Variants in SERPINA6 observed in about 807,000 individuals in gnomAD.
The protein encoded by SERPINA6 is corticosteroid-binding globulin.
In SERPINA6, 19 loss-of-function variants were observed where a neutral mutation model predicts 26.4. The ratio of observed to expected loss-of-function variants is 0.72; its 90% CI spans 0.50 to 1.06. SERPINA6 has a LOEUF of 1.06. SERPINA6 is among the 50% of genes least tolerant of loss of function. The probability of loss-of-function intolerance (pLI) is 0.00; values close to 1 mark genes in which losing one functional copy is unlikely to be tolerated. For missense variants in SERPINA6, 473 were observed against 504.0 expected, an observed-to-expected ratio of 0.94 and a Z score of 0.59; for synonymous variants, 196 against 199.4, an observed-to-expected ratio of 0.98 and a Z score of 0.14.
rs1472278644 is a variant in SERPINA6, at chr14:94,306,162, T to A, written c.941A>T (p.Asp314Val). 6.2e-7 allele frequency: 1 copy of A among 1,614,074 alleles called. No individual in the cohort carries two copies. The highest frequency in any genetic ancestry group is 8.5e-7 in the Non-Finnish European group (1 of 1,180,034). Residue 314 changes from aspartate (D) to valine (V), a missense_variant, in exon 4 of 5, where the codon GAT becomes GTT. Physicochemically the swap from Asp to Val is radical, Grantham distance 152. Coordinates refer to ENST00000341584, the MANE Select transcript of SERPINA6 (RefSeq NM_001756.4). Reference sequence around the variant, plus strand: ...TGCAATGCCCATTTCCTCCAGCACATCTCCGAGGTCATAGACTCCAGAGAT... The same window carrying A: ...TGCAATGCCCATTTCCTCCAGCACAACTCCGAGGTCATAGACTCCAGAGAT... ...VTISGVYDLG[D>V]VLEEMGIADL...
intron 2 of SERPINA6, 110 bp downstream of exon 2, chr14:94,313,920 GATGTGT>G: frequency 9.3e-7 from 1 of 1,077,760 alleles, no homozygotes; most frequent in Non-Finnish European, 1.4e-6. Flanking sequence ...GAGATTCCCA[GATGTGT>G]ATGTGCTTTA....
In SERPINA6 at chr14:94,312,747, G is replaced by A. The variant is rs115270214; in HGVS notation, c.613+1289C>T. Among the ~76,000 whole-genome samples, 1,457 of 152,230 alleles carry A rather than the reference G, an allele frequency of 9.6e-3. 28 individuals are homozygous for A. Among genetic ancestry groups the A allele is most frequent in the African/African-American group, 0.033 (1,369 of 41,522 alleles). On this transcript the variant is annotated intron_variant, in intron 2 of 4. Coordinates refer to ENST00000341584, the MANE Select transcript of SERPINA6 (RefSeq NM_001756.4). ...AGAGGCAGGTAGAGAAGAAGGACTC[G>A]TAGAGATGCTAAGGCAGTCCAGGCA...
chr14:94,305,524 G>A (rs1208093492), intron 4 of SERPINA6, among the ~76,000 whole-genome samples: 6 of 152,102 alleles, frequency 3.9e-5, no homozygotes, highest in African/African-American at 1.4e-4. Flanking sequence ...CAGGTACCAC[G>A]GAGGCCACAA....
At chr14:94,319,948 TA>T (rs1895660970) in intron 1 of SERPINA6, among the ~76,000 whole-genome samples, 1 of 152,158 alleles carries the variant, frequency 6.6e-6, no homozygotes, top group Admixed American at 6.5e-5. Context: ...TTAGGTATTA[TA>T]TTTTCCCACA....
At chr14:94,310,997 T>C (rs920771018) in intron 2 of SERPINA6, among the ~76,000 whole-genome samples, 1 of 152,256 alleles carries the variant, frequency 6.6e-6, no homozygotes, top group Non-Finnish European at 1.5e-5. Flanking sequence ...TCCATCCTAC[T>C]GTCTGTGGGA....
At chr14:94,306,964 G>T (rs1895449934) in intron 3 of SERPINA6, among the ~76,000 whole-genome samples, 1 of 152,270 alleles carries the variant, frequency 6.6e-6, no homozygotes, top group South Asian at 2.1e-4. Context: ...AACTCGCACC[G>T]GCTCTCTTGG....
chr14:94,314,381 G>A lies in SERPINA6; in HGVS notation c.268C>T (p.Leu90Phe), dbSNP rs775123612. Residue 90 changes from leucine (L) to phenylalanine (F), a missense_variant, in exon 2 of 5, where the codon CTC (leucine) becomes TTC (phenylalanine). Physicochemically the swap from Leu to Phe is conservative, Grantham distance 22. Transcript: ENST00000341584. ...GTCGHTRAQL[L>F]QGLGFNLTER... is the part of the protein sequence containing the mutation. Reference sequence around the variant, plus strand: ...GTGAGGTTGAAACCCAGGCCCTGGAGAAGCTGGGCCCGTGTGTGGCCACAG... The same window carrying A: ...GTGAGGTTGAAACCCAGGCCCTGGAAAAGCTGGGCCCGTGTGTGGCCACAG... 2 of 1,614,078 alleles carry A rather than the reference G, an allele frequency of 1.2e-6. No homozygotes were observed.
rs187554311 is a variant in SERPINA6 at position 94,305,576 on chromosome 14, G to A, written c.1032+495C>T. Among the ~76,000 whole-genome samples, 15 of 152,248 alleles carry A rather than the reference G, an allele frequency of 9.9e-5. 1 individual carries two copies. In the East Asian group the frequency reaches 1.9e-3, roughly 20 times the overall value. ...GTCAGGGGCCACACATCTGAGTAACGGGGGCATACACAGGGCCTACACAGT... is the reference window on the plus strand; with the variant it reads ...GTCAGGGGCCACACATCTGAGTAACAGGGGCATACACAGGGCCTACACAGT... On this transcript the variant is annotated intron_variant, in intron 4 of 4. Coordinates refer to ENST00000341584, the MANE Select transcript of SERPINA6 (RefSeq NM_001756.4).
intron 1 of SERPINA6, among the ~76,000 whole-genome samples, chr14:94,322,894 C>T (rs1019496500): frequency 1.1e-4 from 16 of 152,288 alleles, no homozygotes; most frequent in African/African-American, 2.9e-4. Context: ...TCGGTGGTGC[C>T]GACTGGAGCA....
chr14:94,314,075 G>T lies in SERPINA6; in HGVS notation c.574C>A (p.Pro192Thr). 2 of 1,614,150 alleles carry T rather than the reference G, an allele frequency of 1.2e-6. No homozygotes were observed. The highest frequency in any genetic ancestry group is 1.7e-6 in the Non-Finnish European group (2 of 1,180,028). Residue 192 changes from proline to threonine, a missense_variant, in exon 2 of 5, where the codon CCA becomes ACA. Transcript: ENST00000341584. Reference protein sequence around the residue: ...IVDLFSGLDSPAILVLVNYIF... With the variant: ...IVDLFSGLDSTAILVLVNYIF... Reference sequence around the variant, plus strand: ...TAGTTGACCAGGACGAGGATGGCTGGGCTATCCAGCCCTGAAAACAAGTCG... The same window carrying T: ...TAGTTGACCAGGACGAGGATGGCTGTGCTATCCAGCCCTGAAAACAAGTCG...
rs899320978 is a variant in SERPINA6 at position 94,304,300 on chromosome 14, G to A, written c.*118C>T. 44 of 986,196 alleles carry A rather than the reference G, an allele frequency of 4.5e-5. No homozygotes were observed. The highest frequency in any genetic ancestry group is 7.0e-5 in the Non-Finnish European group (43 of 611,266). The allele number at this position is 986,196 out of a possible 1,614,324, so 61.1% of individuals were successfully genotyped here. ...GATGCCTAAAGTTAGACACAACTCT[G>A]GTTGGAGGGAGAAGAACTTGGAGGA... On this transcript the variant is annotated 3_prime_UTR_variant, in exon 5 of 5. Coordinates refer to ENST00000341584, the MANE Select transcript of SERPINA6 (RefSeq NM_001756.4).
intron 3 of SERPINA6, among the ~76,000 whole-genome samples, 176 bp downstream of exon 3, chr14:94,309,560 C>T (rs1016156687): frequency 2.0e-5 from 3 of 152,280 alleles, no homozygotes; most frequent in South Asian, 2.1e-4. Context: ...AATAAATAAG[C>T]GTGAGCTCTA....
In SERPINA6 at chr14:94,309,730, A is replaced by T. The variant is rs370087940; in HGVS notation, c.884+6T>A. ...CAGAAATCAACATGATGGCTGGAGG[A>T]CTTACCTGCTGGTCAGGCCTGCGGA... On this transcript the variant is annotated splice_donor_region_variant and intron_variant, in intron 3 of 4. Coordinates refer to ENST00000341584, the MANE Select transcript of SERPINA6 (RefSeq NM_001756.4). 6.2e-7 allele frequency: 1 copy of T among 1,613,776 alleles called. No individual in the cohort carries two copies.
intron 1 of SERPINA6, among the ~76,000 whole-genome samples, chr14:94,322,855 A>T (rs1998057): frequency 1.3e-5 from 2 of 151,868 alleles, no homozygotes; most frequent in African/African-American, 4.8e-5. Context: ...GAGCCCTCCC[A>T]GGCCCTGACC....
intron 2 of SERPINA6, among the ~76,000 whole-genome samples, chr14:94,312,775 A>T (rs1351239510): frequency 6.6e-6 from 1 of 152,000 alleles, no homozygotes; most frequent in African/African-American, 2.4e-5. Context: ...TCCAGGCAGT[A>T]AGGAGGTGCG....
rs142993656 is a variant in SERPINA6 at position 94,308,408 on chromosome 14, G to A, written c.884+1328C>T. Among the ~76,000 whole-genome samples, 169 of 150,820 alleles carry A rather than the reference G, an allele frequency of 1.1e-3. 1 individual carries two copies. The highest frequency in any genetic ancestry group is 3.7e-3 in the African/African-American group (150 of 40,126). On this transcript the variant is annotated intron_variant, in intron 3 of 4. Coordinates refer to ENST00000341584, the MANE Select transcript of SERPINA6 (RefSeq NM_001756.4). ...GGCATGGTACATAGCAAGTGCTTCC[G>A]TTTATGTGCATTGAATGAATGAGCG...
Position 94,314,210 on chromosome 14 carries a change from T to A in SERPINA6, c.439A>T (p.Ile147Phe). The A allele has an allele frequency of 6.2e-7, 1 of 1,614,242 alleles. No homozygotes were observed. Among genetic ancestry groups the A allele is most frequent in the Non-Finnish European group, 8.5e-7 (1 of 1,180,046 alleles). Reference sequence around the variant, plus strand: ...ACCTCTGACTCATAGTAGTGCTTGATGTCTGCTGAGAATGACTCCAGCAAC... The same window carrying A: ...ACCTCTGACTCATAGTAGTGCTTGAAGTCTGCTGAGAATGACTCCAGCAAC... ...LELLESFSAD[I>F]KHYYESEVLA... Residue 147 changes from isoleucine (I) to phenylalanine (F), a missense_variant, in exon 2 of 5, where the codon ATC (isoleucine) becomes TTC (phenylalanine). By Grantham distance (21) the Ile-to-Phe change is conservative. Transcript: ENST00000341584.
Position 94,314,485 on chromosome 14 carries a change from A to T in SERPINA6, c.164T>A (p.Val55Glu), listed in dbSNP as rs1359866404. 15 of 1,614,156 alleles carry T rather than the reference A, an allele frequency of 9.3e-6. No homozygotes were observed. Among genetic ancestry groups the T allele is most frequent in the Non-Finnish European group, 1.3e-5 (15 of 1,179,994 alleles). Residue 55 changes from valine to glutamate, a missense_variant, in exon 2 of 5, where the codon GTG becomes GAG. Coordinates refer to ENST00000341584, the MANE Select transcript of SERPINA6 (RefSeq NM_001756.4). ...AATGTTCTTTTTGGGACTCAAGGCC[A>T]CTAGGTGCTTATACAGGCTGAAGGC... ...DFAFSLYKHL[V>E]ALSPKKNIFI... is the part of the protein sequence containing the mutation.
At chr14:94,316,834 C>T (rs557652134) in intron 1 of SERPINA6, among the ~76,000 whole-genome samples, 28 of 152,304 alleles carry the variant, frequency 1.8e-4, no homozygotes, top group Non-Finnish European at 3.7e-4. Flanking sequence ...CTGTGTTTAC[C>T]AGCCCTGAAC....
Sources: gnomAD v4.1 joint callset for allele counts (sites outside exome capture counted in the v4.1 genomes callset) on GRCh38, gnomAD v4.1.1 for gene constraint, MANE v1.5 for transcripts, NCBI Gene and HGNC (gene_info 2026-07-23, HGNC 2026-07-21) for gene names.